The following BICD1 variants were observed in gnomAD, a reference collection of about 807,000 sequenced individuals.
The protein encoded by BICD1 is BICD cargo adaptor 1.
BICD1 carries 35 observed loss-of-function variants against 92.5 expected under a neutral mutation model. That is an observed-to-expected ratio of 0.38 (90% confidence interval 0.29 to 0.50). The LOEUF is 0.50. BICD1 is among the 20% of genes least tolerant of loss of function. BICD1 has a pLI of 0.93. For missense variants in BICD1, 950 were observed against 1,189.8 expected (o/e 0.80, Z 2.97); for synonymous variants, 429 against 465.1 (o/e 0.92, Z 1.00).
chr12:32,302,690 A>C (rs1181768557), intron 3 of BICD1, among the ~76,000 whole-genome samples: 2 of 152,182 alleles, frequency 1.3e-5, no homozygotes, highest in African/African-American at 4.8e-5. Context: ...CTTGATTAGA[A>C]GACAGTTATT....
intron 1 of BICD1, among the ~76,000 whole-genome samples, chr12:32,215,881 G>A (rs1479369567): frequency 2.7e-5 from 4 of 149,744 alleles, no homozygotes; most frequent in East Asian, 2.0e-4. Context: ...GTGAACCCGG[G>A]AGGCGGAGCT....
chr12:32,243,122 A>C, intron 2 of BICD1, among the ~76,000 whole-genome samples: 1 of 151,368 alleles, frequency 6.6e-6, no homozygotes, highest in East Asian at 1.9e-4. Flanking sequence ...TTTTTGAGAC[A>C]GGGTCTCACT....
At chr12:32,238,899 GC>G (rs1262588920) in intron 2 of BICD1, among the ~76,000 whole-genome samples, 16 of 139,014 alleles carry the variant, frequency 1.2e-4, no homozygotes, top group South Asian at 2.3e-4. Flanking sequence ...AGCCGAGATC[GC>G]GCCATTGCAC....
Position 32,122,582 on chromosome 12 carries a change from A to G in BICD1, c.213+15038A>G, listed in dbSNP as rs1357514576. Reference sequence around the variant, plus strand: ...TATCTTAATTACTGTAGTTATTTCCAGTCATGTTTTATAATCAGGTGCTAT... The same window carrying G: ...TATCTTAATTACTGTAGTTATTTCCGGTCATGTTTTATAATCAGGTGCTAT... On this transcript the variant is annotated intron_variant, in intron 1 of 9. Transcript: ENST00000652176. 2.0e-5 allele frequency among the ~76,000 whole-genome samples: 3 copies of G among 151,998 alleles called. No individual in the cohort carries two copies. In the East Asian group the frequency reaches 5.8e-4, roughly 29 times the overall value.
At chr12:32,331,290 T>C (rs1440738944) in intron 5 of BICD1, among the ~76,000 whole-genome samples, 1 of 152,170 alleles carries the variant, frequency 6.6e-6, no homozygotes, top group Non-Finnish European at 1.5e-5. Context: ...CATAATCTAG[T>C]AGGAATTCCG....
At chr12:32,325,949 C>T (rs1334397859) in intron 4 of BICD1, among the ~76,000 whole-genome samples, 1 of 151,398 alleles carries the variant, frequency 6.6e-6, no homozygotes, top group East Asian at 1.9e-4. Flanking sequence ...TGGGCGTGGT[C>T]GTGGGCGCCT....
At chr12:32,137,619 A>G (rs1942777130) in intron 1 of BICD1, among the ~76,000 whole-genome samples, 1 of 152,098 alleles carries the variant, frequency 6.6e-6, no homozygotes, top group African/African-American at 2.4e-5. Context: ...ATGTGCAACC[A>G]TTGTTACTTT....
chr12:32,113,577 T>G (rs1446858268), intron 1 of BICD1, among the ~76,000 whole-genome samples: 2 of 151,452 alleles, frequency 1.3e-5, no homozygotes, highest in African/African-American at 4.9e-5. Context: ...TGAGTCTCCC[T>G]CTGTTTCCCC....
chr12:32,362,741 CTG>C (rs1332773106), intron 8 of BICD1, among the ~76,000 whole-genome samples: 10 of 152,164 alleles, frequency 6.6e-5, no homozygotes, highest in Admixed American at 2.0e-4. Flanking sequence ...CACTTCCTAA[CTG>C]TGTGACCTTG....
chr12:32,340,754 T>C (rs868064850), intron 8 of BICD1: 2 of 169,914 alleles, frequency 1.2e-5, no homozygotes, highest in Non-Finnish European at 2.4e-5. Flanking sequence ...GTTAAAGTTA[T>C]TGTATCATAG....
intron 2 of BICD1, among the ~76,000 whole-genome samples, chr12:32,274,662 G>T (rs939575426): frequency 6.6e-6 from 1 of 152,014 alleles, no homozygotes; most frequent in Non-Finnish European, 1.5e-5. Context: ...GGGAAACTAT[G>T]ACCTAAAGAC....
intron 1 of BICD1, among the ~76,000 whole-genome samples, chr12:32,173,314 T>G (rs1230177716): frequency 1.3e-5 from 2 of 152,148 alleles, no homozygotes; most frequent in Non-Finnish European, 2.9e-5. Flanking sequence ...CCTCCCAAAG[T>G]GCCGGGATTA....
intron 3 of BICD1, among the ~76,000 whole-genome samples, chr12:32,304,747 G>A (rs1276867321): frequency 6.6e-6 from 1 of 152,228 alleles, no homozygotes; most frequent in Non-Finnish European, 1.5e-5. Flanking sequence ...GCCAGGTGCA[G>A]TGGCTCACAC....
At chr12:32,190,905 G>A (rs1036422767) in intron 1 of BICD1, among the ~76,000 whole-genome samples, 1 of 152,128 alleles carries the variant, frequency 6.6e-6, no homozygotes, top group Non-Finnish European at 1.5e-5. Flanking sequence ...TACCTTTTCT[G>A]ATCATAATAA....
intron 2 of BICD1, among the ~76,000 whole-genome samples, chr12:32,245,389 T>G (rs1946353715): frequency 6.6e-6 from 1 of 152,140 alleles, no homozygotes; most frequent in South Asian, 2.1e-4. Flanking sequence ...TTCAAGTGAC[T>G]ATTTGAGGCC....
At chr12:32,249,937 G>A (rs1387467044) in intron 2 of BICD1, among the ~76,000 whole-genome samples, 1 of 151,332 alleles carries the variant, frequency 6.6e-6, no homozygotes, top group East Asian at 1.9e-4. Flanking sequence ...TCTGGGGTTG[G>A]CATACCAGAT....
intron 2 of BICD1, chr12:32,227,405 C>G (rs1464070029): frequency 6.6e-6 from 1 of 152,444 alleles, no homozygotes; most frequent in East Asian, 1.9e-4. Context: ...TCTACTGGGT[C>G]TTCTTATTTT....
intron 2 of BICD1, among the ~76,000 whole-genome samples, chr12:32,266,532 A>G (rs1947002557): frequency 6.6e-6 from 1 of 152,186 alleles, no homozygotes; most frequent in Non-Finnish European, 1.5e-5. Context: ...CGCATCATCT[A>G]AAAGTTATTT....
chr12:32,362,559 G>A (rs1382279788), intron 8 of BICD1, among the ~76,000 whole-genome samples: 1 of 152,088 alleles, frequency 6.6e-6, no homozygotes, highest in African/African-American at 2.4e-5. Flanking sequence ...TGAGAGCGCT[G>A]GTTGCCTTAA....
Sources: allele counts gnomAD v4.1 joint callset (sites outside exome capture counted in the v4.1 genomes callset), GRCh38; gene constraint gnomAD v4.1.1; transcripts MANE v1.5; gene names NCBI Gene and HGNC (gene_info 2026-07-23, HGNC 2026-07-21).